Variants in PPM1H observed in about 807,000 individuals in gnomAD.
PPM1H encodes the protein protein phosphatase, Mg2+/Mn2+ dependent 1H.
In PPM1H, 27 loss-of-function variants were observed where a neutral mutation model predicts 54.9. The ratio of observed to expected loss-of-function variants is 0.49; its 90% CI spans 0.36 to 0.68. The LOEUF (loss-of-function observed/expected upper bound fraction) is 0.68, where lower values mean the gene tolerates loss of function less well. Among genes scored for constraint, PPM1H ranks in the 30% least tolerant of loss-of-function variants. The pLI is 0.00. For missense variants in PPM1H, 596 were observed against 667.8 expected, an observed-to-expected ratio of 0.89 and a Z score of 1.19; for synonymous variants, 305 against 270.8, an observed-to-expected ratio of 1.13 and a Z score of -1.24.
chr12:62,797,173 A>G (rs1205731636), intron 3 of PPM1H, among the ~76,000 whole-genome samples: 1 of 152,140 alleles, frequency 6.6e-6, no homozygotes, highest in Non-Finnish European at 1.5e-5. Flanking sequence ...CACATTGTTG[A>G]GCTCTTATAA....
chr12:62,823,422 C>G (rs540327373), intron 2 of PPM1H, among the ~76,000 whole-genome samples: 75 of 152,120 alleles, frequency 4.9e-4, no homozygotes, highest in Admixed American at 1.2e-3. Flanking sequence ...GATACCAAAG[C>G]CTGGCAGAGA....
Position 62,737,489 on chromosome 12 carries a change from A to C in PPM1H, c.954+13T>G. ...GATGCCACTGCCCTCTGCCAAGCCT[A>C]GATGACTCTTACCAGGTACTGAAGT... On this transcript the variant is annotated intron_variant, in intron 5 of 9. Coordinates refer to ENST00000228705, the MANE Select transcript of PPM1H (RefSeq NM_020700.2). 6.5e-7 allele frequency: 1 copy of C among 1,529,272 alleles called. No individual in the cohort carries two copies. The highest frequency in any genetic ancestry group is 1.7e-4 in the Middle Eastern group (1 of 5,778). The allele number at this position is 1,529,272 out of a possible 1,614,324, so 94.7% of individuals were successfully genotyped here.
At chr12:62,694,069 T>C (rs1197505173) in intron 6 of PPM1H, 70 bp from the exon 7 acceptor site, 11 of 1,364,320 alleles carry the variant, frequency 8.1e-6, no homozygotes, top group Non-Finnish European at 1.1e-5. Flanking sequence ...TGACACCGAC[T>C]GCTAGGGATT....
chr12:62,789,322 C>G (rs1249993592), intron 3 of PPM1H, among the ~76,000 whole-genome samples: 1 of 152,108 alleles, frequency 6.6e-6, no homozygotes, highest in African/African-American at 2.4e-5. Context: ...GTTTTAAACT[C>G]CAAAGTCTTG....
At chr12:62,793,743 A>C (rs1233110350) in intron 3 of PPM1H, among the ~76,000 whole-genome samples, 1 of 144,616 alleles carries the variant, frequency 6.9e-6, no homozygotes, top group Admixed American at 6.7e-5. Context: ...TCCGTTTCAA[A>C]AAAAAAAAAA....
At chr12:62,923,457 A>C (rs1871867679) in intron 1 of PPM1H, among the ~76,000 whole-genome samples, 1 of 152,076 alleles carries the variant, frequency 6.6e-6, no homozygotes, top group African/African-American at 2.4e-5. Flanking sequence ...GCTGGAGTGC[A>C]ATGGCGCGAT....
At chr12:62,912,396 C>T (rs961979581) in intron 1 of PPM1H, among the ~76,000 whole-genome samples, 6 of 152,140 alleles carry the variant, frequency 3.9e-5, no homozygotes, top group East Asian at 1.9e-4. Flanking sequence ...AGGTTGGCTC[C>T]GTGTCTCTTC....
chr12:62,690,546 A>G (rs1214904081), intron 7 of PPM1H, among the ~76,000 whole-genome samples: 1 of 152,224 alleles, frequency 6.6e-6, no homozygotes, highest in Admixed American at 6.5e-5. Context: ...TATTACACCA[A>G]TGCCTACACA....
intron 5 of PPM1H, among the ~76,000 whole-genome samples, chr12:62,724,755 C>A (rs1325167074): frequency 6.6e-6 from 1 of 152,102 alleles, no homozygotes; most frequent in Admixed American, 6.6e-5. Context: ...ATGTATAATT[C>A]TTTCTTAACA....
intron 5 of PPM1H, among the ~76,000 whole-genome samples, chr12:62,732,138 G>A (rs560259961): frequency 2.0e-5 from 3 of 152,256 alleles, no homozygotes; most frequent in South Asian, 2.1e-4. Flanking sequence ...CTGGTGCTGA[G>A]GCAGGAGTGC....
chr12:62,900,608 A>T (rs2464121), intron 1 of PPM1H, among the ~76,000 whole-genome samples: 2 of 151,914 alleles, frequency 1.3e-5, no homozygotes, highest in Non-Finnish European at 2.9e-5. Flanking sequence ...TAAAAAAAAA[A>T]AAAAGGAAAG....
chr12:62,681,054 G>A (rs764572657), intron 8 of PPM1H, among the ~76,000 whole-genome samples: 1 of 152,128 alleles, frequency 6.6e-6, no homozygotes, highest in Non-Finnish European at 1.5e-5. Context: ...GGTTTGATGT[G>A]GGGGCTAGAG....
chr12:62,667,494 T>C (rs1014435009), intron 8 of PPM1H, among the ~76,000 whole-genome samples, 165 bp from the exon 9 acceptor site: 3 of 152,202 alleles, frequency 2.0e-5, no homozygotes, highest in African/African-American at 7.2e-5. Flanking sequence ...CCAGGGATAG[T>C]CTCCCTTGGA....
At chr12:62,810,210 A>G (rs567806695) in intron 2 of PPM1H, among the ~76,000 whole-genome samples, 57 of 152,334 alleles carry the variant, frequency 3.7e-4, no homozygotes, top group African/African-American at 1.3e-3. Context: ...AAGACACTTC[A>G]CATTGGTAAA....
chr12:62,834,001 G>C (rs574317474), intron 1 of PPM1H, among the ~76,000 whole-genome samples: 1 of 151,946 alleles, frequency 6.6e-6, no homozygotes, highest in Non-Finnish European at 1.5e-5. Flanking sequence ...TCAAATTTCT[G>C]TATCAATAAA....
chr12:62,918,192 G>C (rs1871682872), intron 1 of PPM1H, among the ~76,000 whole-genome samples: 1 of 152,192 alleles, frequency 6.6e-6, no homozygotes, highest in South Asian at 2.1e-4. Context: ...GCTAGGGAAA[G>C]AGCCAAGACT....
At chr12:62,867,503 T>G (rs1869818812) in intron 1 of PPM1H, among the ~76,000 whole-genome samples, 1 of 148,626 alleles carries the variant, frequency 6.7e-6, no homozygotes, top group Admixed American at 6.7e-5. Context: ...TAGGATCTCA[T>G]CATAGCTGAT....
chr12:62,663,413 C>A (rs1042188536), intron 9 of PPM1H, among the ~76,000 whole-genome samples: 7 of 152,060 alleles, frequency 4.6e-5, no homozygotes, highest in African/African-American at 1.7e-4. Flanking sequence ...TCTTGAACTC[C>A]CAGGTTCAGG....
At chr12:62,871,716 A>C (rs1252940922) in intron 1 of PPM1H, among the ~76,000 whole-genome samples, 5 of 151,920 alleles carry the variant, frequency 3.3e-5, no homozygotes, top group Non-Finnish European at 5.9e-5. Context: ...GGGTTTTGCC[A>C]TGTTGCCCAG....
Sources: allele counts gnomAD v4.1 joint callset (sites outside exome capture counted in the v4.1 genomes callset), GRCh38; gene constraint gnomAD v4.1.1; transcripts MANE v1.5; gene names NCBI Gene and HGNC (gene_info 2026-07-23, HGNC 2026-07-21).